TTLL12: variants seen among roughly 807,000 people sequenced by gnomAD.
The protein encoded by TTLL12 is tubulin tyrosine ligase like 12.
TTLL12 carries 77 observed loss-of-function variants against 79.6 expected under a neutral mutation model. The observed-to-expected ratio is 0.97, with a 90% confidence interval of 0.81 to 1.17. The LOEUF is 1.17. Ranked by LOEUF, TTLL12 falls within the 50% of genes most tolerant of loss-of-function variation. The pLI is 0.00. For synonymous variants in TTLL12, 437 were observed against 376.1 expected, an observed-to-expected ratio of 1.16 and a Z score of -1.87; for missense variants, 969 against 895.9, an observed-to-expected ratio of 1.08 and a Z score of -1.04.
intron 3 of TTLL12, 21 bp downstream of exon 3, chr22:43,180,720 CG>C (rs1569486487): frequency 6.2e-7 from 1 of 1,610,960 alleles, no homozygotes; most frequent in Non-Finnish European, 8.5e-7. Flanking sequence ...TCCCCCTCCC[CG>C]GGGCCCAGCT....
intron 5 of TTLL12, among the ~76,000 whole-genome samples, chr22:43,178,612 C>T (rs973242609): frequency 6.6e-5 from 10 of 152,320 alleles, no homozygotes; most frequent in Admixed American, 2.0e-4. Flanking sequence ...TGAGCCCCCA[C>T]GCCCAGCCTC....
intron 5 of TTLL12, among the ~76,000 whole-genome samples, chr22:43,177,244 C>A (rs1036600536): frequency 6.6e-6 from 1 of 151,998 alleles, no homozygotes; most frequent in Non-Finnish European, 1.5e-5. Context: ...TAGCAGTTGC[C>A]TGGAATCCCA....
chr22:43,179,062 G>A (rs1009731311), intron 5 of TTLL12, among the ~76,000 whole-genome samples: 5 of 152,090 alleles, frequency 3.3e-5, no homozygotes, highest in Non-Finnish European at 5.9e-5. Flanking sequence ...CCCGGCACTG[G>A]GGCCTCGACA....
chr22:43,184,328 T>G (rs1932129290), intron 1 of TTLL12, among the ~76,000 whole-genome samples: 1 of 152,230 alleles, frequency 6.6e-6, no homozygotes, highest in Non-Finnish European at 1.5e-5. Flanking sequence ...GATGAATCAC[T>G]CAAGGTCTCG....
chr22:43,171,613 C>CTCAG (rs1931766655), intron 11 of TTLL12: 1 of 546,616 alleles, frequency 1.8e-6, no homozygotes, highest in Non-Finnish European at 3.3e-6. Context: ...CCCTCTGTGC[C>CTCAG]GTGGGGAGAC....
chr22:43,186,194 C>G (rs1237863146), intron 1 of TTLL12, among the ~76,000 whole-genome samples: 2 of 147,464 alleles, frequency 1.4e-5, no homozygotes, highest in East Asian at 2.0e-4. Context: ...AAAACACCCC[C>G]CCCCCCGCCA....
At chr22:43,178,925 C>T (rs1354277878) in intron 5 of TTLL12, among the ~76,000 whole-genome samples, 1 of 152,212 alleles carries the variant, frequency 6.6e-6, no homozygotes, top group African/African-American at 2.4e-5. Context: ...AGGCTGGTTC[C>T]AGCCTACGGA....
chr22:43,167,346 A>G lies in TTLL12; in HGVS notation c.*662T>C. 3.0e-6 allele frequency: 1 copy of G among 337,494 alleles called. No individual in the cohort carries two copies. Among genetic ancestry groups the G allele is most frequent in the Non-Finnish European group, 6.0e-6 (1 of 166,960 alleles). 20.9% of individuals were successfully genotyped at this position (337,494 alleles called of 1,614,324 possible). On this transcript the variant is annotated 3_prime_UTR_variant, in exon 14 of 14. Transcript: ENST00000216129. ...CTCAGCAAACGAAAAGGAAACGGTAACAAGACGGTGGCCTCCTGCCAGGAC... is the reference window on the plus strand; with the variant it reads ...CTCAGCAAACGAAAAGGAAACGGTAGCAAGACGGTGGCCTCCTGCCAGGAC...
intron 1 of TTLL12, among the ~76,000 whole-genome samples, chr22:43,184,582 C>T (rs1313378114): frequency 6.6e-6 from 1 of 152,242 alleles, no homozygotes; most frequent in Non-Finnish European, 1.5e-5. Flanking sequence ...CCAGGGGTCA[C>T]ATGAGAGACA....
intron 9 of TTLL12, 145 bp from the exon 10 acceptor site, chr22:43,172,699 G>T: frequency 3.6e-5 from 28 of 779,364 alleles, no homozygotes; most frequent in East Asian, 8.7e-5. Context: ...TTGCTGCAAA[G>T]TCTTTTTTTT....
At chr22:43,169,478 T>C (rs775534755) in intron 12 of TTLL12, 22 bp downstream of exon 12, 4 of 1,559,598 alleles carry the variant, frequency 2.6e-6, no homozygotes, top group African/African-American at 2.7e-5. Context: ...CGGCCTGCGA[T>C]GGTGTGCAGG....
chr22:43,180,633 G>GT, intron 3 of TTLL12, 109 bp downstream of exon 3: 1 of 1,264,534 alleles, frequency 7.9e-7, no homozygotes, highest in Non-Finnish European at 1.1e-6. Flanking sequence ...ACAGGAGAAA[G>GT]TGAGTTGCTT....
intron 11 of TTLL12, among the ~76,000 whole-genome samples, chr22:43,171,088 T>C (rs1205996099): frequency 6.6e-6 from 1 of 152,304 alleles, no homozygotes; most frequent in African/African-American, 2.4e-5. Context: ...CCTGCAAGGC[T>C]GGCGACAGGC....
intron 3 of TTLL12, 90 bp downstream of exon 3, chr22:43,180,652 C>A: frequency 1.4e-6 from 2 of 1,429,814 alleles, no homozygotes; most frequent in Admixed American, 1.9e-5. Context: ...TTGCTCTGGC[C>A]GGCCCCTCAC....
intron 1 of TTLL12, among the ~76,000 whole-genome samples, chr22:43,183,357 G>C (rs761213798): frequency 2.0e-5 from 3 of 152,202 alleles, no homozygotes; most frequent in Non-Finnish European, 4.4e-5. Flanking sequence ...TCGGAACAGG[G>C]ACCTAATGTA....
rs778596847 is a variant in TTLL12 at position 43,173,738 on chromosome 22, G to A, written c.1318C>T (p.Arg440Trp). The A allele has an allele frequency of 1.3e-5, 21 of 1,603,214 alleles. No homozygotes were observed. The highest frequency in any genetic ancestry group is 1.2e-4 in the Admixed American group (7 of 59,996). Residue 440 changes from arginine (R) to tryptophan (W), a missense_variant, in exon 9 of 14, where the codon CGG (arginine) becomes TGG (tryptophan). Coordinates refer to ENST00000216129, the MANE Select transcript of TTLL12 (RefSeq NM_015140.4). ...ACCTTGGGGGTGCTCTCTCGGTGCC[G>A]GATGATGCTGTGCAGGCTCTTGGTG... ...HVTKSLHSII[R>W]HRESTPKVVS... is the part of the protein sequence containing the mutation.
At chr22:43,171,705 G>A (rs150348948) in intron 11 of TTLL12, 114 bp downstream of exon 11, 110 of 780,412 alleles carry the variant, frequency 1.4e-4, no homozygotes, top group Non-Finnish European at 2.1e-4. Flanking sequence ...CTCAGGAGGC[G>A]GCTCCTGGGA....
In TTLL12 at chr22:43,168,789, C is replaced by T. The variant is rs1161848761; in HGVS notation, c.1768G>A (p.Asp590Asn). The change falls in exon 13 of 14, where the codon GAC (aspartate) becomes AAC (asparagine). Residue 590 changes from aspartate to asparagine, a missense_variant. Transcript: ENST00000216129. ...CCCCTCTTACCATCTGGGCCGTTGT[C>T]CCACTTCAGCATGAGGTCGACGGCA... ...MYAVDLMLKWDNGPDGRRVMQ... is the reference protein window; with the variant it reads ...MYAVDLMLKWNNGPDGRRVMQ... The T allele has an allele frequency of 1.2e-5, 18 of 1,564,188 alleles. No homozygotes were observed. Among genetic ancestry groups the T allele is most frequent in the Non-Finnish European group, 1.5e-5 (17 of 1,155,192 alleles).
At position 43,167,533 on chromosome 22, in the gene TTLL12, T is replaced by G. The variant is rs956882959; in HGVS notation, c.*475A>C. ...GCCGTCCCGGGGTCGTCCTGATGCA[T>G]AAGAGCAGAGACCCCGGAAGAGAAA... On this transcript the variant is annotated 3_prime_UTR_variant, in exon 14 of 14. Transcript: ENST00000216129. 5.1e-6 allele frequency: 1 copy of G among 196,966 alleles called. No homozygotes were observed. The highest frequency in any genetic ancestry group is 1.5e-4 in the East Asian group (1 of 6,722). The allele number at this position is 196,966 out of a possible 1,614,324, so 12.2% of individuals were successfully genotyped here.
Sources: allele counts gnomAD v4.1 joint callset (sites outside exome capture counted in the v4.1 genomes callset), GRCh38; gene constraint gnomAD v4.1.1; transcripts MANE v1.5; gene names NCBI Gene and HGNC (gene_info 2026-07-23, HGNC 2026-07-21).